DLGAP2: variants seen among roughly 807,000 people sequenced by gnomAD.
The protein encoded by DLGAP2 is disks large-associated protein 2.
In DLGAP2, 26 loss-of-function variants were observed where a neutral mutation model predicts 100.3. The ratio of observed to expected loss-of-function variants is 0.26; its 90% CI spans 0.19 to 0.36. The LOEUF (loss-of-function observed/expected upper bound fraction) is 0.36. DLGAP2 is among the 10% of genes least tolerant of loss of function. The pLI, the probability that DLGAP2 is intolerant of heterozygous loss-of-function variation, is 1.00. For missense variants in DLGAP2, 1,858 were observed against 1,453.2 expected (o/e 1.28, Z -4.53); for synonymous variants, 886 against 630.1 (o/e 1.41, Z -6.08).
chr8:1,082,533 C>T (rs535820091), intron 2 of DLGAP2, among the ~76,000 whole-genome samples: 22 of 152,308 alleles, frequency 1.4e-4, no homozygotes, highest in African/African-American at 2.2e-4. Context: ...GAGAGGCACA[C>T]GCCTCGGAAC....
At chr8:1,681,388 T>A (rs1168142095) in intron 12 of DLGAP2, among the ~76,000 whole-genome samples, 1 of 152,154 alleles carries the variant, frequency 6.6e-6, no homozygotes, top group Non-Finnish European at 1.5e-5. Context: ...ATCCCAGCAC[T>A]TTGTGAGGCT....
intron 1 of DLGAP2, among the ~76,000 whole-genome samples, chr8:897,697 C>G (rs755025508): frequency 5.9e-5 from 9 of 152,204 alleles, no homozygotes; most frequent in Non-Finnish European, 1.3e-4. Flanking sequence ...GCCCCTCCCC[C>G]TCCCCACGGG....
At chr8:829,739 T>A (rs1049862628) in intron 1 of DLGAP2, among the ~76,000 whole-genome samples, 2 of 152,234 alleles carry the variant, frequency 1.3e-5, no homozygotes, top group African/African-American at 4.8e-5. Context: ...CTTTCCATAT[T>A]TTCTATGTTC....
chr8:1,456,679 A>G (rs929780435), intron 3 of DLGAP2, among the ~76,000 whole-genome samples: 3 of 152,258 alleles, frequency 2.0e-5, no homozygotes, highest in Admixed American at 1.3e-4. Context: ...CGATTGTTGA[A>G]GAGTTGTCTA....
chr8:1,481,178 T>TA (rs1044425963), intron 3 of DLGAP2, among the ~76,000 whole-genome samples: 6 of 148,666 alleles, frequency 4.0e-5, no homozygotes, highest in East Asian at 2.0e-4. Flanking sequence ...TCTCAAAAAA[T>TA]AAAAAAAAAA....
At chr8:1,007,154 G>A (rs1395728579) in intron 2 of DLGAP2, among the ~76,000 whole-genome samples, 1 of 150,802 alleles carries the variant, frequency 6.6e-6, no homozygotes, top group East Asian at 2.0e-4. Context: ...CGTCGGGTAT[G>A]CCGTGTATAT....
intron 3 of DLGAP2, among the ~76,000 whole-genome samples, chr8:1,281,267 C>G (rs988108589): frequency 6.6e-6 from 1 of 152,186 alleles, no homozygotes; most frequent in Admixed American, 6.5e-5. Context: ...GGGTTTTGAG[C>G]CACGTGCCAC....
At chr8:1,030,468 G>T (rs1801942084) in intron 2 of DLGAP2, among the ~76,000 whole-genome samples, 1 of 152,164 alleles carries the variant, frequency 6.6e-6, no homozygotes, top group Non-Finnish European at 1.5e-5. Context: ...GTGCAATGTG[G>T]GGTGCAAAGG....
intron 2 of DLGAP2, among the ~76,000 whole-genome samples, chr8:1,228,224 TAATAA>T (rs1457949103): frequency 2.6e-5 from 4 of 151,558 alleles, no homozygotes; most frequent in African/African-American, 7.3e-5. Context: ...ACTTAAAGTA[TAATAA>T]AATAAAAATA....
intron 3 of DLGAP2, among the ~76,000 whole-genome samples, chr8:1,408,527 T>C (rs1796640068): frequency 3.3e-5 from 5 of 152,250 alleles, no homozygotes. Flanking sequence ...ATGAGGGTGC[T>C]GCTCTCCACT....
At chr8:1,272,423 G>A (rs1799601169) in intron 3 of DLGAP2, among the ~76,000 whole-genome samples, 1 of 151,660 alleles carries the variant, frequency 6.6e-6, no homozygotes, top group African/African-American at 2.4e-5. Flanking sequence ...TAGAAGTTTT[G>A]TATATAGAAG....
chr8:953,865 T>C (rs1206308679), intron 2 of DLGAP2, among the ~76,000 whole-genome samples: 12 of 152,302 alleles, frequency 7.9e-5, no homozygotes, highest in Admixed American at 7.8e-4. Context: ...TGAAAAGAGC[T>C]GAGATTTAAT....
At chr8:1,256,484 G>T (rs1177592471) in intron 2 of DLGAP2, among the ~76,000 whole-genome samples, 4 of 122,468 alleles carry the variant, frequency 3.3e-5, no homozygotes, top group Non-Finnish European at 4.7e-5. Flanking sequence ...CCTGGGTGCT[G>T]TGTGTGTGTC....
chr8:778,883 C>A (rs1422196336), intron 1 of DLGAP2, among the ~76,000 whole-genome samples: 3 of 152,242 alleles, frequency 2.0e-5, no homozygotes, highest in African/African-American at 7.2e-5. Context: ...TTCGAGCTTC[C>A]CGGCTGCTTT....
intron 2 of DLGAP2, among the ~76,000 whole-genome samples, chr8:1,138,450 C>T (rs749018689): frequency 2.0e-5 from 3 of 152,226 alleles, no homozygotes; most frequent in South Asian, 4.1e-4. Context: ...CTGCCTCACT[C>T]GTGGCCTCAC....
chr8:1,571,126 AAAG>A (rs1802653303), intron 6 of DLGAP2, among the ~76,000 whole-genome samples: 1 of 99,588 alleles, frequency 1.0e-5, no homozygotes, highest in East Asian at 3.4e-4. Flanking sequence ...TGGAGAGGAG[AAAG>A]GGGTGAACTG....
chr8:1,303,108 G>C (rs1800397840), intron 3 of DLGAP2, among the ~76,000 whole-genome samples: 1 of 152,284 alleles, frequency 6.6e-6, no homozygotes, highest in East Asian at 1.9e-4. Context: ...GAATAAAAAG[G>C]AGGAAGGGGT....
chr8:1,141,054 T>C (rs1356644359), intron 2 of DLGAP2, among the ~76,000 whole-genome samples: 4 of 152,308 alleles, frequency 2.6e-5, no homozygotes, highest in African/African-American at 4.8e-5. Context: ...TTTGGTTTCC[T>C]TGGGTCTGTC....
intron 2 of DLGAP2, among the ~76,000 whole-genome samples, chr8:1,144,865 A>AACAGTCAGACCGCAGACGGCCTGTATGG (rs1381222126): frequency 1.6e-4 from 19 of 115,872 alleles, no homozygotes; most frequent in South Asian, 8.2e-4. Context: ...GGCCTGTATG[A>AACAGTCAGACCGCAGACGGCCTGTATGG]ACAGTCAAAC....
Sources: allele counts gnomAD v4.1 joint callset (sites outside exome capture counted in the v4.1 genomes callset), GRCh38; gene constraint gnomAD v4.1.1; transcripts MANE v1.5; gene names NCBI Gene and HGNC (gene_info 2026-07-23, HGNC 2026-07-21).